Variants in PLCXD1 observed in about 807,000 individuals in gnomAD.
PLCXD1 encodes the protein PI-PLC X domain-containing protein 1.
Under a neutral mutation model 37.8 loss-of-function variants are expected in PLCXD1, and 45 were observed. The observed-to-expected ratio is 1.19, with a 90% CI of 0.94 to 1.53. The LOEUF is 1.53. Ranked by LOEUF, PLCXD1 falls within the 40% of genes most tolerant of loss-of-function variation. PLCXD1 has a pLI of 0.00. For synonymous variants in PLCXD1, 246 were observed against 206.9 expected (o/e 1.19, Z -1.62); for missense variants, 539 against 454.7 (o/e 1.19, Z -1.69).
At chrX:284,077 G>C in intron 1 of PLCXD1, 90 bp from the exon 2 acceptor site, 1 of 993,096 alleles carries the variant, frequency 1.0e-6, no homozygotes, top group Non-Finnish European at 1.6e-6. Flanking sequence ...TTTTAGTAGA[G>C]ATGGGGTTTT....
rs150554097 is a variant in PLCXD1 at position 288,742 on chromosome X, A to G, written c.137A>G (p.Asp46Gly). Residue 46 changes from aspartate to glycine, a missense_variant, in exon 3 of 7, where the codon GAC (aspartate) becomes GGC (glycine). Asp to Gly is a moderately conservative substitution (Grantham distance 94, BLOSUM62 -1). Coordinates refer to ENST00000381657, the MANE Select transcript of PLCXD1 (RefSeq NM_018390.4). ...TGTGCTTTGCTCTCAGGGAGCCACG[A>G]CACGATGACGTACTGCCTGAACAAG... ...LHHLSIPGSH[D>G]TMTYCLNKKS... 4,203 of 1,613,872 alleles carry G rather than the reference A, an allele frequency of 2.6e-3. 11 individuals are homozygous for G. The highest frequency in any genetic ancestry group is 3.3e-3 in the Non-Finnish European group (3,945 of 1,179,798).
intron 2 of PLCXD1, among the ~76,000 whole-genome samples, chrX:284,605 C>T (rs1485940774): frequency 2.3e-4 from 6 of 26,518 alleles, no homozygotes; most frequent in East Asian, 2.4e-3. Flanking sequence ...CACACGCACA[C>T]ACGCACACAT....
chrX:289,273 G>C (rs952896214), intron 3 of PLCXD1, among the ~76,000 whole-genome samples: 1 of 152,002 alleles, frequency 6.6e-6, no homozygotes, highest in Non-Finnish European at 1.5e-5. Flanking sequence ...ATTTTTAGTA[G>C]AGATGGGGTT....
At chrX:278,964 C>T (rs749394165), upstream of PLCXD1, among the ~76,000 whole-genome samples, 6 of 152,164 alleles carry the variant, frequency 3.9e-5, 1 homozygote, top group South Asian at 8.3e-4. Context: ...AGCGATAAAG[C>T]GGTTCATTCA....
intron 6 of PLCXD1, among the ~76,000 whole-genome samples, 156 bp from the exon 7 acceptor site, chrX:298,941 C>T (rs187690861): frequency 3.9e-4 from 60 of 152,264 alleles, no homozygotes; most frequent in African/African-American, 1.4e-3. Context: ...CTGCCCACCA[C>T]GCTTTATAAG....
chrX:293,172 G>C lies in PLCXD1; in HGVS notation c.687G>C (p.Glu229Asp). ...GGTGGGGAAACAGGGTGAAGACCGA[G>C]GCCCTCATCCGATACCTGGAGACCA... is the stretch of plus-strand genomic sequence containing the variant. ...PYWWGNRVKT[E>D]ALIRYLETMK... Residue 229 changes from glutamate (E) to aspartate (D), a missense_variant, in exon 6 of 7, where the codon GAG becomes GAC. By Grantham distance (45) the Glu-to-Asp change is conservative. Transcript: ENST00000381657. 1 of 1,612,802 alleles carries C rather than the reference G, an allele frequency of 6.2e-7. No individual in the cohort carries two copies. Among genetic ancestry groups the C allele is most frequent in the Non-Finnish European group, 8.5e-7 (1 of 1,179,786 alleles).
In PLCXD1 at chrX:299,881, C is replaced by T. The variant is rs755590187; in HGVS notation, c.*546C>T. The T allele has an allele frequency of 0.53, 81,863 of 154,416 alleles. 21,830 individuals are homozygous for T. The highest frequency in any genetic ancestry group is 0.64 in the Middle Eastern group (185 of 290). The allele number at this position is 154,416 out of a possible 1,614,324, so 9.6% of individuals were successfully genotyped here. On this transcript the variant is annotated 3_prime_UTR_variant, in exon 7 of 7. Coordinates refer to ENST00000381657, the MANE Select transcript of PLCXD1 (RefSeq NM_018390.4). ...CCAGCCTGACCAACATGGTGAAACC[C>T]CGTCTCTATTAAAAACACAAAAACT...
chrX:277,267 GT>G (rs2069175967), upstream of PLCXD1, among the ~76,000 whole-genome samples: 2 of 114,494 alleles, frequency 1.7e-5, no homozygotes, highest in Non-Finnish European at 2.0e-5. Flanking sequence ...CAGGGGGAAC[GT>G]GGGGACAGAT....
chrX:277,269 G>A (rs1210430533), upstream of PLCXD1, among the ~76,000 whole-genome samples: 25 of 116,634 alleles, frequency 2.1e-4, no homozygotes, highest in African/African-American at 7.2e-4. Context: ...GGGGGAACGT[G>A]GGGACAGATG....
intron 6 of PLCXD1, among the ~76,000 whole-genome samples, chrX:297,141 G>C: frequency 2.1e-5 from 1 of 47,228 alleles, no homozygotes; most frequent in Non-Finnish European, 3.8e-5. Context: ...ATGGGGATTA[G>C]GACGTGGACA....
chrX:277,101 G>A (rs750601223), upstream of PLCXD1, among the ~76,000 whole-genome samples: 87 of 152,294 alleles, frequency 5.7e-4, no homozygotes, highest in African/African-American at 1.7e-3. Context: ...CCGCTGTGCC[G>A]TCCGGACGAG....
intron 4 of PLCXD1, among the ~76,000 whole-genome samples, 200 bp from the exon 5 acceptor site, chrX:291,299 C>A (rs1332130409): frequency 2.6e-5 from 4 of 152,104 alleles, no homozygotes; most frequent in Non-Finnish European, 5.9e-5. Flanking sequence ...ACGCCGGACA[C>A]CACGCCCAGC....
upstream of PLCXD1, among the ~76,000 whole-genome samples, chrX:278,830 G>T (rs1385801160): frequency 6.6e-6 from 1 of 152,008 alleles, no homozygotes; most frequent in Non-Finnish European, 1.5e-5. Context: ...GCCCTAGGTG[G>T]TCGGAGGACA....
intron 3 of PLCXD1, among the ~76,000 whole-genome samples, chrX:289,218 C>G (rs1602868824): frequency 1.3e-5 from 2 of 151,924 alleles, no homozygotes; most frequent in East Asian, 2.0e-4. Flanking sequence ...CTCCTAAGTA[C>G]CTGGGTCTAC....
intron 2 of PLCXD1, among the ~76,000 whole-genome samples, chrX:285,071 C>G (rs1015780360): frequency 1.3e-5 from 2 of 151,908 alleles, no homozygotes; most frequent in Admixed American, 6.6e-5. Context: ...CATAGGTGCA[C>G]ATAGGCACAC....
At chrX:281,213 A>C, upstream of PLCXD1, 1 of 246,648 alleles carries the variant, frequency 4.1e-6, no homozygotes, top group Non-Finnish European at 8.0e-6. Flanking sequence ...CTGGCTGCAG[A>C]GAAGGGGCCA....
Position 281,602 on chromosome X carries a change from C to G in PLCXD1, c.-104C>G, listed in dbSNP as rs1438913908. On this transcript the variant is annotated 5_prime_UTR_variant, in exon 1 of 7. Transcript: ENST00000381657. Reference sequence around the variant, plus strand: ...ACCGAGAGGATCTCGTCCTTTCTTGCGGCCCAGGGAGACCAGGCCTTTCAT... The same window carrying G: ...ACCGAGAGGATCTCGTCCTTTCTTGGGGCCCAGGGAGACCAGGCCTTTCAT... The G allele has an allele frequency of 6.6e-6, 1 of 152,186 alleles. No homozygotes were observed. The highest frequency in any genetic ancestry group is 1.5e-5 in the Non-Finnish European group (1 of 68,056). The allele number at this position is 152,186 out of a possible 1,614,324, so 9.4% of individuals were successfully genotyped here.
At chrX:291,066 C>A (rs1195205778) in intron 4 of PLCXD1, among the ~76,000 whole-genome samples, 1 of 151,564 alleles carries the variant, frequency 6.6e-6, no homozygotes, top group Non-Finnish European at 1.5e-5. Context: ...AACGCCCGGT[C>A]TTTAATGGAA....
chrX:288,090 C>T (rs181738036), intron 2 of PLCXD1, among the ~76,000 whole-genome samples: 9 of 150,310 alleles, frequency 6.0e-5, no homozygotes, highest in Non-Finnish European at 1.0e-4. Context: ...TCCACGTGGC[C>T]TCCTCCTCTG....
Sources: gnomAD v4.1 joint callset for allele counts (sites outside exome capture counted in the v4.1 genomes callset) on GRCh38, gnomAD v4.1.1 for gene constraint, MANE v1.5 for transcripts, NCBI Gene and HGNC (gene_info 2026-07-23, HGNC 2026-07-21) for gene names.